Variants in RDH14 observed in about 807,000 individuals in gnomAD.
RDH14 encodes retinol dehydrogenase 14.
RDH14 carries 17 observed loss-of-function variants against 19.3 expected under a neutral mutation model. The observed-to-expected ratio is 0.88, with a 90% CI of 0.60 to 1.32. RDH14 has a LOEUF of 1.32. RDH14 is among the 40% of genes most tolerant of loss of function. RDH14 has a pLI of 0.00. For synonymous variants in RDH14, 215 were observed against 188.9 expected, an observed-to-expected ratio of 1.14 and a Z score of -1.13; for missense variants, 534 against 449.2, an observed-to-expected ratio of 1.19 and a Z score of -1.71.
At position 18,555,671 on chromosome 2, in the gene RDH14, T is replaced by G; in HGVS notation, c.531A>C (p.Gly177=). The change falls in exon 2 of 2, where the codon GGA becomes GGC. Residue 177 remains glycine (G), a synonymous_variant. Coordinates refer to ENST00000381249, the MANE Select transcript of RDH14 (RefSeq NM_020905.4). ...TGCTGGGAGCTGAACTTTTGAGGAGTCCAAGGAGAAGATTGGTGAGTAGAA... is the reference window on the plus strand; with the variant it reads ...TGCTGGGAGCTGAACTTTTGAGGAGGCCAAGGAGAAGATTGGTGAGTAGAA... ...GHFLLTNLLL[G]LLKSSAPSRI... The G allele has an allele frequency of 6.2e-7, 1 of 1,613,938 alleles. No individual in the cohort carries two copies. Among genetic ancestry groups the G allele is most frequent in the Non-Finnish European group, 8.5e-7 (1 of 1,179,946 alleles).
chr2:18,555,184 C>G lies in RDH14; in HGVS notation c.*7G>C, dbSNP rs1190708138. 6.2e-7 allele frequency: 1 copy of G among 1,611,742 alleles called. No individual in the cohort carries two copies. Among genetic ancestry groups the G allele is most frequent in the Admixed American group, 1.7e-5 (1 of 59,874 alleles). ...AGTTTTATAAACAGCTCTTTTACTC[C>G]TTGTTCCTATTTTAGCAGGCCAACC... On this transcript the variant is annotated 3_prime_UTR_variant, in exon 2 of 2. Coordinates refer to ENST00000381249, the MANE Select transcript of RDH14 (RefSeq NM_020905.4).
rs1236195993 is a variant in RDH14, at chr2:18,554,815, A to T, written c.*376T>A. 1 of 186,104 alleles carries T rather than the reference A, an allele frequency of 5.4e-6. No individual in the cohort carries two copies. Among genetic ancestry groups the T allele is most frequent in the Non-Finnish European group, 1.1e-5 (1 of 88,368 alleles). The allele number at this position is 186,104 out of a possible 1,614,324, so 11.5% of individuals were successfully genotyped here. Reference sequence around the variant, plus strand: ...CACACAAACACCAAACATTGTAGTAAAACTAGTTAACACTTTGGCCATGAA... The same window carrying T: ...CACACAAACACCAAACATTGTAGTATAACTAGTTAACACTTTGGCCATGAA... On this transcript the variant is annotated 3_prime_UTR_variant, in exon 2 of 2. Transcript: ENST00000381249.
Position 18,560,515 on chromosome 2 carries a change from C to T in RDH14, c.58G>A (p.Ala20Thr), listed in dbSNP as rs752276081. The change falls in exon 1 of 2, where the codon GCG (alanine) becomes ACG (threonine). Residue 20 changes from alanine to threonine, a missense_variant. Ala to Thr is a moderately conservative substitution (Grantham distance 58). Transcript: ENST00000381249. ...LAALGGALWL[A>T]ARRFVGPRVQ... Reference sequence around the variant, plus strand: ...CTGGGCCCCACGAACCGGCGGGCCGCCAGCCACAGCGCCCCGCCCAGAGCG... The same window carrying T: ...CTGGGCCCCACGAACCGGCGGGCCGTCAGCCACAGCGCCCCGCCCAGAGCG... 6.6e-7 allele frequency: 1 copy of T among 1,510,868 alleles called. No individual in the cohort carries two copies. Among genetic ancestry groups the T allele is most frequent in the South Asian group, 1.2e-5 (1 of 81,836 alleles). The allele number at this position is 1,510,868 out of a possible 1,614,324, so 93.6% of individuals were successfully genotyped here. A position where few individuals can be genotyped will look rare whatever the true frequency, so the allele number is the denominator to read the frequency against.
Position 18,560,332 on chromosome 2 carries a change from C to G in RDH14, c.241G>C (p.Glu81Gln). Reference protein sequence around the residue: ...IMGCRDRARAEEAAGQLRREL... With the variant: ...IMGCRDRARAQEAAGQLRREL... ...CGGCGGAGCTGACCCGCCGCCTCCT[C>G]GGCGCGCGCGCGGTCCCGGCAGCCC... The change falls in exon 1 of 2, where the codon GAG becomes CAG. Residue 81 changes from glutamate to glutamine, a missense_variant. Transcript: ENST00000381249. The G allele has an allele frequency of 1.4e-6, 2 of 1,410,704 alleles. No homozygotes were observed. Among genetic ancestry groups the G allele is most frequent in the Non-Finnish European group, 1.8e-6 (2 of 1,095,190 alleles). 87.4% of individuals were successfully genotyped at this position (1,410,704 alleles called of 1,614,324 possible). A position where few individuals can be genotyped will look rare whatever the true frequency, so the allele number is the denominator to read the frequency against.
Position 18,555,797 on chromosome 2 carries a change from C to T in RDH14, c.405G>A (p.Arg135=), listed in dbSNP as rs1290099550. ...FCQEMLQEEP[R]LDVLINNAGI... Reference sequence around the variant, plus strand: ...CTGCGTTATTGATCAAGACATCCAGCCTAGGCTCTTCCTTTAAATGTCAAA... The same window carrying T: ...CTGCGTTATTGATCAAGACATCCAGTCTAGGCTCTTCCTTTAAATGTCAAA... The change falls in exon 2 of 2, where the codon AGG becomes AGA. Residue 135 remains arginine, a synonymous_variant. Transcript: ENST00000381249. The T allele has an allele frequency of 6.3e-7, 1 of 1,599,616 alleles. No homozygotes were observed. The highest frequency in any genetic ancestry group is 8.5e-7 in the Non-Finnish European group (1 of 1,170,346).
At position 18,555,630 on chromosome 2, in the gene RDH14, G is replaced by T; in HGVS notation, c.572C>A (p.Ser191Tyr). 1 of 1,614,048 alleles carries T rather than the reference G, an allele frequency of 6.2e-7. No individual in the cohort carries two copies. The highest frequency in any genetic ancestry group is 8.5e-7 in the Non-Finnish European group (1 of 1,179,966). The change falls in exon 2 of 2, where the codon TCT (serine) becomes TAT (tyrosine). Residue 191 changes from serine (S) to tyrosine (Y), a missense_variant. By Grantham distance (144) the Ser-to-Tyr change is moderately radical. Coordinates refer to ENST00000381249, the MANE Select transcript of RDH14 (RefSeq NM_020905.4). The stretch of plus-strand genomic sequence containing the variant: ...GTCTCCGTATTTATAAAGTTTGGAA[G>T]AAACTACCACAATCCTGCTGGGAGC... ...SSAPSRIVVV[S>Y]SKLYKYGDIN...
At position 18,554,916 on chromosome 2, in the gene RDH14, T is replaced by C. The variant is rs1343182324; in HGVS notation, c.*275A>G. 1 of 318,822 alleles carries C rather than the reference T, an allele frequency of 3.1e-6. No homozygotes were observed. The highest frequency in any genetic ancestry group is 6.6e-5 in the South Asian group (1 of 15,084). 19.7% of individuals were successfully genotyped at this position (318,822 alleles called of 1,614,324 possible). On this transcript the variant is annotated 3_prime_UTR_variant, in exon 2 of 2. Transcript: ENST00000381249. The stretch of plus-strand genomic sequence containing the variant: ...CTGACAAATATTAATATGTCATCCA[T>C]GCTTGCCCAGTTATAATTTTACAAT...
At position 18,560,624 on chromosome 2, in the gene RDH14, C is replaced by T; in HGVS notation, c.-52G>A. ...CTCCACGGGAGTTCCGCAGCCGCCG[C>T]CTTACCGGAACCCAAGAGACCACCT... is the stretch of plus-strand genomic sequence containing the variant. On this transcript the variant is annotated 5_prime_UTR_variant, in exon 1 of 2. Transcript: ENST00000381249. The T allele has an allele frequency of 1.4e-6, 2 of 1,384,550 alleles. No homozygotes were observed. The highest frequency in any genetic ancestry group is 9.3e-7 in the Non-Finnish European group (1 of 1,079,300). 85.8% of individuals were successfully genotyped at this position (1,384,550 alleles called of 1,614,324 possible).
At chr2:18,559,518 G>A (rs993243153) in intron 1 of RDH14, among the ~76,000 whole-genome samples, 4 of 152,156 alleles carry the variant, frequency 2.6e-5, no homozygotes, top group Non-Finnish European at 5.9e-5. Context: ...AAGACAAAAA[G>A]GAAAATCTGA....
intron 1 of RDH14, among the ~76,000 whole-genome samples, chr2:18,558,747 A>G (rs576435884): frequency 2.0e-5 from 3 of 152,362 alleles, no homozygotes; most frequent in Non-Finnish European, 4.4e-5. Context: ...AGTCTAAGAC[A>G]TAAGTGATTA....
At position 18,555,219 on chromosome 2, in the gene RDH14, CT is replaced by C; in HGVS notation, c.982del (p.Ser328ValfsTer3). On this transcript the variant is annotated frameshift_variant, in exon 2 of 2. Transcript: ENST00000381249. LOFTEE classifies it high-confidence loss of function. ...TTTTAGCAGGCCAACCATCACTTCA[CT>C]GATATCCCAGAGTTTTCTTGCAACA... ...ESVARKLWDI[S>X]EVMVGLLK 6.2e-7 allele frequency: 1 copy of C among 1,614,004 alleles called. No homozygotes were observed. Among genetic ancestry groups the C allele is most frequent in the Non-Finnish European group, 8.5e-7 (1 of 1,179,890 alleles).
Position 18,555,244 on chromosome 2 carries a change from C to T in RDH14, c.958G>A (p.Val320Ile). 1 of 1,614,088 alleles carries T rather than the reference C, an allele frequency of 6.2e-7. No individual in the cohort carries two copies. Among genetic ancestry groups the T allele is most frequent in the South Asian group, 1.1e-5 (1 of 91,076 alleles). The change falls in exon 2 of 2, where the codon GTT becomes ATT. Residue 320 changes from valine (V) to isoleucine (I), a missense_variant. Val to Ile is a conservative substitution (Grantham distance 29, BLOSUM62 3). Coordinates refer to ENST00000381249, the MANE Select transcript of RDH14 (RefSeq NM_020905.4). ...CTGATATCCCAGAGTTTTCTTGCAA[C>T]AGATTCATCCATAGCTTTGGGCAAC... Reference protein sequence around the residue: ...ELLPKAMDESVARKLWDISEV... With the variant: ...ELLPKAMDESIARKLWDISEV...
intron 1 of RDH14, among the ~76,000 whole-genome samples, chr2:18,559,009 C>A (rs1475067030): frequency 1.3e-5 from 2 of 152,192 alleles, no homozygotes; most frequent in Non-Finnish European, 2.9e-5. Context: ...TGAGGTTCTG[C>A]CACGGGTGCA....
rs1474397014 is a variant in RDH14 at position 18,555,240 on chromosome 2, G to GCAA, written c.959_961dup (p.Val320dup). 1.9e-6 allele frequency: 3 copies of GCAA among 1,613,906 alleles called. No homozygotes were observed. The highest frequency in any genetic ancestry group is 2.5e-6 in the Non-Finnish European group (3 of 1,179,958). On this transcript the variant is annotated inframe_insertion, in exon 2 of 2. Coordinates refer to ENST00000381249, the MANE Select transcript of RDH14 (RefSeq NM_020905.4). ...TTCACTGATATCCCAGAGTTTTCTT[G>GCAA]CAACAGATTCATCCATAGCTTTGGG...
At position 18,560,552 on chromosome 2, in the gene RDH14, C is replaced by T; in HGVS notation, c.21G>A (p.Ala7=). ...CCCCGCCCAGAGCGGCCAGTACTGC[C>T]GCCGCAGTGGCCACTGCCATCGTCA... MAVATA[A]AVLAALGGAL... Residue 7 remains alanine (A), a synonymous_variant, in exon 1 of 2, where the codon GCG becomes GCA. Coordinates refer to ENST00000381249, the MANE Select transcript of RDH14 (RefSeq NM_020905.4). The T allele has an allele frequency of 1.3e-6, 2 of 1,497,324 alleles. No homozygotes were observed. Among genetic ancestry groups the T allele is most frequent in the Non-Finnish European group, 1.8e-6 (2 of 1,131,852 alleles). The allele number at this position is 1,497,324 out of a possible 1,614,324, so 92.8% of individuals were successfully genotyped here. A position where few individuals can be genotyped will look rare whatever the true frequency, so the allele number is the denominator to read the frequency against.
chr2:18,559,856 C>T (rs1664040277), intron 1 of RDH14, among the ~76,000 whole-genome samples: 1 of 152,178 alleles, frequency 6.6e-6, no homozygotes, highest in Non-Finnish European at 1.5e-5. Context: ...AATTCAGAGG[C>T]CATGGATCTA....
chr2:18,556,791 A>T (rs866606410), intron 1 of RDH14, among the ~76,000 whole-genome samples: 9 of 152,178 alleles, frequency 5.9e-5, no homozygotes, highest in African/African-American at 1.9e-4. Context: ...TTATTCCCAG[A>T]GCTACTGGTT....
At chr2:18,555,944 T>G in intron 1 of RDH14, 136 bp from the exon 2 acceptor site, 1 of 1,414,428 alleles carries the variant, frequency 7.1e-7, no homozygotes, top group Non-Finnish European at 9.4e-7. Flanking sequence ...TGTTGGTCTA[T>G]CGATCAGAGA....
At position 18,560,500 on chromosome 2, in the gene RDH14, C is replaced by G; in HGVS notation, c.73G>C (p.Val25Leu). The G allele has an allele frequency of 6.6e-7, 1 of 1,513,214 alleles. No homozygotes were observed. The highest frequency in any genetic ancestry group is 2.6e-5 in the East Asian group (1 of 37,854). The allele number at this position is 1,513,214 out of a possible 1,614,324, so 93.7% of individuals were successfully genotyped here. A position where few individuals can be genotyped will look rare whatever the true frequency, so the allele number is the denominator to read the frequency against. ...GALWLAARRF[V>L]GPRVQRLRRG... ...CGCAGCCGCTGGACCCTGGGCCCCA[C>G]GAACCGGCGGGCCGCCAGCCACAGC... is the stretch of plus-strand genomic sequence containing the variant. The change falls in exon 1 of 2, where the codon GTG (valine) becomes CTG (leucine). Residue 25 changes from valine (V) to leucine (L), a missense_variant. Coordinates refer to ENST00000381249, the MANE Select transcript of RDH14 (RefSeq NM_020905.4).
Sources: gnomAD v4.1 joint callset for allele counts (sites outside exome capture counted in the v4.1 genomes callset) on GRCh38, gnomAD v4.1.1 for gene constraint, MANE v1.5 for transcripts, NCBI Gene and HGNC (gene_info 2026-07-23, HGNC 2026-07-21) for gene names.